CTSS: variants seen among roughly 807,000 people sequenced by gnomAD.
CTSS encodes the protein cathepsin S.
CTSS carries 15 observed loss-of-function variants against 39.9 expected under a neutral mutation model. The ratio of observed to expected loss-of-function variants is 0.38; its 90% CI spans 0.25 to 0.58. The LOEUF (loss-of-function observed/expected upper bound fraction) is 0.58, where lower values mean the gene tolerates loss of function less well. Ranked by LOEUF, CTSS falls within the 20% of genes least tolerant of loss-of-function variation. The pLI is 0.70. For synonymous variants in CTSS, 126 were observed against 138.2 expected, an observed-to-expected ratio of 0.91 and a Z score of 0.62; for missense variants, 250 against 398.2, an observed-to-expected ratio of 0.63 and a Z score of 3.17.
chr1:150,757,799 A>G (rs1221259329), intron 3 of CTSS, 59 bp downstream of exon 3: 1 of 1,565,526 alleles, frequency 6.4e-7, no homozygotes, highest in East Asian at 2.3e-5. Flanking sequence ...TTTTGGGGAG[A>G]CAGAAAGGAA....
intron 2 of CTSS, among the ~76,000 whole-genome samples, chr1:150,762,036 A>T (rs1288079699): frequency 6.6e-6 from 1 of 152,202 alleles, no homozygotes; most frequent in Non-Finnish European, 1.5e-5. Flanking sequence ...TATATTACAA[A>T]ACTATAGTAA....
chr1:150,751,509 A>C (rs187108323), intron 5 of CTSS, among the ~76,000 whole-genome samples: 8 of 152,266 alleles, frequency 5.3e-5, no homozygotes, highest in African/African-American at 1.7e-4. Flanking sequence ...CGGCCTTCCA[A>C]AGTGCTGAGA....
intron 7 of CTSS, among the ~76,000 whole-genome samples, chr1:150,746,124 A>AG (rs1395951454): frequency 2.0e-5 from 3 of 152,074 alleles, no homozygotes; most frequent in Non-Finnish European, 4.4e-5. Context: ...AAGATCATAC[A>AG]GTTTTTTTTT....
At chr1:150,762,830 A>C (rs2101928358) in intron 2 of CTSS, among the ~76,000 whole-genome samples, 1 of 152,324 alleles carries the variant, frequency 6.6e-6, no homozygotes, top group African/African-American at 2.4e-5. Flanking sequence ...TAGGAATGTA[A>C]ATTAGTACAG....
At chr1:150,745,360 C>A (rs1652872635) in intron 7 of CTSS, among the ~76,000 whole-genome samples, 1 of 152,108 alleles carries the variant, frequency 6.6e-6, no homozygotes, top group South Asian at 2.1e-4. Flanking sequence ...ATGAATGATG[C>A]TCATGAAAAG....
intron 7 of CTSS, among the ~76,000 whole-genome samples, chr1:150,743,630 T>C (rs1480884943): frequency 1.1e-5 from 1 of 91,316 alleles, no homozygotes; most frequent in African/African-American, 3.3e-5. Flanking sequence ...ATATTATGTA[T>C]ACATAATATA....
chr1:150,742,219 T>G (rs1410596385), intron 7 of CTSS, among the ~76,000 whole-genome samples: 1 of 151,800 alleles, frequency 6.6e-6, no homozygotes, highest in Non-Finnish European at 1.5e-5. Context: ...ATCATGCCAC[T>G]GCACTCTAGC....
intron 4 of CTSS, among the ~76,000 whole-genome samples, chr1:150,754,268 C>T (rs1653069734): frequency 6.7e-6 from 1 of 150,030 alleles, no homozygotes; most frequent in Non-Finnish European, 1.5e-5. Context: ...CGCCCACCAC[C>T]ACGCCAGGCT....
At position 150,730,849 on chromosome 1, in the gene CTSS, C is replaced by T. The variant is rs1652502994; in HGVS notation, c.*2197G>A. 1.3e-5 allele frequency: 2 copies of T among 151,490 alleles called. No individual in the cohort carries two copies. The highest frequency in any genetic ancestry group is 4.2e-4 in the South Asian group (2 of 4,736). The allele number at this position is 151,490 out of a possible 1,614,324, so 9.4% of individuals were successfully genotyped here. On this transcript the variant is annotated 3_prime_UTR_variant, in exon 8 of 8. Transcript: ENST00000368985. ...TTCAAATTTAGGATAGCTATTAACT[C>T]TTATTTAATGCATTTATAAAGAAGC...
intron 7 of CTSS, among the ~76,000 whole-genome samples, chr1:150,743,040 G>T (rs1318954576): frequency 1.3e-5 from 2 of 152,094 alleles, no homozygotes; most frequent in African/African-American, 4.8e-5. Context: ...ATTATGAACT[G>T]GGGATCATCT....
At chr1:150,765,358 T>G (rs1653353487) in intron 1 of CTSS, among the ~76,000 whole-genome samples, 1 of 152,098 alleles carries the variant, frequency 6.6e-6, no homozygotes, top group South Asian at 2.1e-4. Context: ...ATGCCACTTC[T>G]GTATTTAATT....
intron 4 of CTSS, among the ~76,000 whole-genome samples, chr1:150,753,381 G>A (rs963281147): frequency 6.6e-6 from 1 of 152,128 alleles, no homozygotes; most frequent in Non-Finnish European, 1.5e-5. Flanking sequence ...ATATTCTAAC[G>A]ATGCAAGACT....
At chr1:150,740,258 G>T (rs1444944653) in intron 7 of CTSS, among the ~76,000 whole-genome samples, 2 of 152,182 alleles carry the variant, frequency 1.3e-5, no homozygotes, top group African/African-American at 4.8e-5. Context: ...CATTGCCAAA[G>T]CTTAGGAATT....
In CTSS at chr1:150,751,776, C is replaced by T. The variant is rs587715551; in HGVS notation, c.627+5G>A. ...GGCAGCACAAAAAGTTTGCTTAAGA[C>T]GCACCATGGCTTTGTAGGGATAGGA... On this transcript the variant is annotated splice_donor_5th_base_variant and intron_variant, in intron 5 of 7. Transcript: ENST00000368985. 5.0e-6 allele frequency: 8 copies of T among 1,613,634 alleles called. No homozygotes were observed. Among genetic ancestry groups the T allele is most frequent in the South Asian group, 2.2e-5 (2 of 91,074 alleles).
chr1:150,735,002 G>A lies in CTSS; in HGVS notation c.897-1857C>T, dbSNP rs587747411. ...ATTGAGAAAATGCCTAGTGTGTCTGGAGAGCAGTAAGAAATTTAGTTGAAA... is the reference window on the plus strand; with the variant it reads ...ATTGAGAAAATGCCTAGTGTGTCTGAAGAGCAGTAAGAAATTTAGTTGAAA... On this transcript the variant is annotated intron_variant, in intron 7 of 7. Coordinates refer to ENST00000368985, the MANE Select transcript of CTSS (RefSeq NM_004079.5). Among the ~76,000 whole-genome samples the A allele has an allele frequency of 3.3e-5, 5 of 152,298 alleles. No homozygotes were observed. The South Asian group carries it at 6.2e-4, about 19-fold the overall frequency.
intron 3 of CTSS, among the ~76,000 whole-genome samples, chr1:150,755,968 A>G (rs1653115854): frequency 6.6e-6 from 1 of 152,182 alleles, no homozygotes; most frequent in South Asian, 2.1e-4. Flanking sequence ...TTTTTTACTT[A>G]ATAAACTTTT....
At chr1:150,761,196 A>AG (rs1653252530) in intron 2 of CTSS, among the ~76,000 whole-genome samples, 1 of 142,002 alleles carries the variant, frequency 7.0e-6, no homozygotes, top group Admixed American at 7.2e-5. Context: ...AAAAAAAAAA[A>AG]AGAGAGAAGA....
At chr1:150,739,439 A>G (rs1044096245) in intron 7 of CTSS, among the ~76,000 whole-genome samples, 2 of 152,000 alleles carry the variant, frequency 1.3e-5, no homozygotes, top group Non-Finnish European at 2.9e-5. Context: ...GGCCAGGTGC[A>G]GTGGCTCATG....
At chr1:150,761,195 AAAGAG>A (rs1368599413) in intron 2 of CTSS, among the ~76,000 whole-genome samples, 2 of 151,436 alleles carry the variant, frequency 1.3e-5, no homozygotes, top group East Asian at 3.9e-4. Flanking sequence ...AAAAAAAAAA[AAAGAG>A]AGAAGAAAGA....
Sources: gnomAD v4.1 joint callset for allele counts (sites outside exome capture counted in the v4.1 genomes callset) on GRCh38, gnomAD v4.1.1 for gene constraint, MANE v1.5 for transcripts, NCBI Gene and HGNC (gene_info 2026-07-23, HGNC 2026-07-21) for gene names.